IFT172: variants seen among roughly 807,000 people sequenced by gnomAD.
The protein encoded by IFT172 is intraflagellar transport protein 172 homolog.
In IFT172, 164 loss-of-function variants were observed where a neutral mutation model predicts 248.9. That is an observed-to-expected ratio of 0.66 (90% CI 0.58 to 0.75). The LOEUF (loss-of-function observed/expected upper bound fraction) is 0.75. Ranked by LOEUF, IFT172 falls within the 30% of genes least tolerant of loss-of-function variation. IFT172 has a pLI of 0.00. For missense variants in IFT172, 1,950 were observed against 2,192.4 expected (o/e 0.89, Z 2.21); for synonymous variants, 729 against 791.6 (o/e 0.92, Z 1.33).
In IFT172 at chr2:27,444,453, G is replaced by T. The variant is rs375519807; in HGVS notation, c.5229C>A (p.Ser1743Arg). 2.6e-5 allele frequency: 42 copies of T among 1,613,056 alleles called. No individual in the cohort carries two copies. Among genetic ancestry groups the T allele is most frequent in the Non-Finnish European group, 3.4e-5 (40 of 1,179,496 alleles). Residue 1743 changes from serine (S) to arginine (R), a missense_variant, in exon 48 of 48, where the codon AGC becomes AGA. By Grantham distance (110) the Ser-to-Arg change is moderately radical. Transcript: ENST00000260570. The part of the protein sequence containing the change: ...FISQWCGGLP[S>R]TSFSFQ Reference sequence around the variant, plus strand: ...CCAACTACTGAAAGGAAAAGCTGGTGCTGGGGAGCCCTCCACACCACTGAC... The same window carrying T: ...CCAACTACTGAAAGGAAAAGCTGGTTCTGGGGAGCCCTCCACACCACTGAC...
At position 27,445,383 on chromosome 2, in the gene IFT172, C is replaced by G; in HGVS notation, c.4981G>C (p.Val1661Leu). 1 of 1,612,736 alleles carries G rather than the reference C, an allele frequency of 6.2e-7. No individual in the cohort carries two copies. Among genetic ancestry groups the G allele is most frequent in the Admixed American group, 1.7e-5 (1 of 59,792 alleles). Residue 1661 changes from valine (V) to leucine (L), a missense_variant, in exon 46 of 48, where the codon GTT (valine) becomes CTT (leucine). Val to Leu is a conservative substitution (Grantham distance 32, BLOSUM62 1). This residue lies in a region of IFT172 where 620 missense variants were observed against 699.0 expected (regional missense o/e 0.89). Coordinates refer to ENST00000260570, the MANE Select transcript of IFT172 (RefSeq NM_015662.3). The surrounding 1 kb of genome is among the most constrained non-coding windows in gnomAD (Gnocchi z 4.4). ...TVSMDQRLEQVLPRDERGAYE... is the reference protein window; with the variant it reads ...TVSMDQRLEQLLPRDERGAYE... ...GCGCCACGCTCATCCCGAGGCAGAA[C>G]CTGCTCCAGCCGCTGGTCCATGGAG...
intron 40 of IFT172, 129 bp from the exon 41 acceptor site, chr2:27,448,051 TG>T: frequency 2.2e-6 from 1 of 452,256 alleles, no homozygotes; most frequent in Non-Finnish European, 4.0e-6. Context: ...GTGCAAGGGC[TG>T]GGGGACAGTG....
rs377211687 is a variant in IFT172, at chr2:27,453,414, G to C, written c.3921C>G (p.Asn1307Lys). ...DCYLKVRDSG[N>K]SGLAEKCWMK... Reference sequence around the variant, plus strand: ...TCCAGCACTTCTCCGCCAGGCCGCTGTTTCCAGAGTCTCGCACTTTGAGGT... The same window carrying C: ...TCCAGCACTTCTCCGCCAGGCCGCTCTTTCCAGAGTCTCGCACTTTGAGGT... The change falls in exon 35 of 48, where the codon AAC becomes AAG. Residue 1307 changes from asparagine to lysine, a missense_variant. Physicochemically the swap from Asn to Lys is moderately conservative, Grantham distance 94. This residue lies in a region of IFT172 where 620 missense variants were observed against 699.0 expected (regional missense o/e 0.89). Coordinates refer to ENST00000260570, the MANE Select transcript of IFT172 (RefSeq NM_015662.3). The C allele has an allele frequency of 6.2e-7, 1 of 1,614,108 alleles. No homozygotes were observed. The highest frequency in any genetic ancestry group is 1.7e-5 in the Admixed American group (1 of 60,010).
intron 7 of IFT172, among the ~76,000 whole-genome samples, chr2:27,482,371 C>A (rs1484302146): frequency 6.6e-6 from 1 of 151,928 alleles, no homozygotes; most frequent in African/African-American, 2.4e-5. Context: ...TGGCTCACTG[C>A]AACCTCTGCC....
chr2:27,461,468 A>G lies in IFT172; in HGVS notation c.2243T>C (p.Met748Thr). 6.2e-7 allele frequency: 1 copy of G among 1,614,050 alleles called. No homozygotes were observed. Among genetic ancestry groups the G allele is most frequent in the South Asian group, 1.1e-5 (1 of 91,084 alleles). Residue 748 changes from methionine to threonine, a missense_variant, in exon 22 of 48, where the codon ATG (methionine) becomes ACG (threonine). Transcript: ENST00000260570. ...KLRRSYYQWLMDTQQEERAGE... is the reference protein window; with the variant it reads ...KLRRSYYQWLTDTQQEERAGE... The stretch of plus-strand genomic sequence containing the variant: ...TGCTCGCTCCTCTTGCTGTGTGTCC[A>G]TCAGCCACTGGTAGTAACTACGACG...
rs1178759857 is a variant in IFT172 at position 27,445,355 on chromosome 2, T to C, written c.5009A>G (p.Tyr1670Cys). ...QVLPRDERGA[Y>C]EASLVAASTG... ...GCTCGCTGCCACTAGGGAGGCCTCG[T>C]AGGCGCCACGCTCATCCCGAGGCAG... Residue 1670 changes from tyrosine to cysteine, a missense_variant, in exon 46 of 48, where the codon TAC (tyrosine) becomes TGC (cysteine). Physicochemically the swap from Tyr to Cys is radical, Grantham distance 194. Coordinates refer to ENST00000260570, the MANE Select transcript of IFT172 (RefSeq NM_015662.3). The surrounding 1 kb of genome is among the most constrained non-coding windows in gnomAD (Gnocchi z 4.4). The C allele has an allele frequency of 2.5e-6, 4 of 1,613,320 alleles. No individual in the cohort carries two copies. The highest frequency in any genetic ancestry group is 2.2e-5 in the East Asian group (1 of 44,862).
At chr2:27,474,682 GC>G (rs1428933813) in intron 14 of IFT172, among the ~76,000 whole-genome samples, 5 of 152,098 alleles carry the variant, frequency 3.3e-5, no homozygotes, top group African/African-American at 9.7e-5. Context: ...CTCCCGAGTA[GC>G]TGGGATTACA....
At position 27,481,139 on chromosome 2, in the gene IFT172, G is replaced by C. The variant is rs1335464745; in HGVS notation, c.692C>G (p.Thr231Ser). 6 of 1,613,908 alleles carry C rather than the reference G, an allele frequency of 3.7e-6. No individual in the cohort carries two copies. Among genetic ancestry groups the C allele is most frequent in the East Asian group, 4.5e-5 (2 of 44,884 alleles). Residue 231 changes from threonine to serine, a missense_variant, in exon 8 of 48, where the codon ACT becomes AGT. By Grantham distance (58) the Thr-to-Ser change is moderately conservative. Around this residue, in one of 3 missense-constraint regions of IFT172, gnomAD observed 1,166 missense variants for 1,254.1 expected, o/e 0.93. Transcript: ENST00000260570. ...CTGAGGGTCACGGCTATAATCAAAA[G>C]TTTGTAGCATGTGACCTTCTTTTCC... ...AYGKEGHMLQ[T>S]FDYSRDPQER...
chr2:27,481,075 G>A lies in IFT172; in HGVS notation c.756C>T (p.Gly252=), dbSNP rs1274853696. ...EFTTAVSSPG[G]QSVVLGSYDR... is the part of the protein sequence containing the mutation. The stretch of plus-strand genomic sequence containing the variant: ...CATAACTTCCTAGCACAACAGACTG[G>A]CCCCCAGGACTTGATACAGCTGTGG... The change falls in exon 8 of 48, where the codon GGC becomes GGT. Residue 252 remains glycine, a synonymous_variant. Coordinates refer to ENST00000260570, the MANE Select transcript of IFT172 (RefSeq NM_015662.3). The A allele has an allele frequency of 1.2e-6, 2 of 1,613,918 alleles. No individual in the cohort carries two copies. Among genetic ancestry groups the A allele is most frequent in the East Asian group, 2.2e-5 (1 of 44,892 alleles).
intron 30 of IFT172, 86 bp downstream of exon 30, chr2:27,456,421 ATCTT>A (rs1666166592): frequency 1.3e-6 from 2 of 1,490,780 alleles, no homozygotes; most frequent in East Asian, 2.3e-5. Flanking sequence ...CCTTCCAAGG[ATCTT>A]TCTTTCAGTT....
intron 14 of IFT172, among the ~76,000 whole-genome samples, chr2:27,473,612 T>C (rs1272507587): frequency 6.6e-6 from 1 of 151,504 alleles, no homozygotes; most frequent in African/African-American, 2.4e-5. Flanking sequence ...GCCTGGCCGA[T>C]AAAGCCATAT....
chr2:27,466,030 G>A, intron 16 of IFT172, 148 bp from the exon 17 acceptor site: 1 of 893,400 alleles, frequency 1.1e-6, no homozygotes, highest in Non-Finnish European at 1.7e-6. Context: ...TTTCTCTCAA[G>A]CATAAAAAAA....
In IFT172 at chr2:27,454,210, C is replaced by A. The variant is rs761986497; in HGVS notation, c.3531-48G>T. ...GAGAGACTGAGTATAGGACTGAGGC[C>A]CCAATAGTGGGAGACAAACAGCCAT... On this transcript the variant is annotated intron_variant, in intron 32 of 47. Transcript: ENST00000260570. This position sits in a 1 kb window ranked among gnomAD's most constrained non-coding sequence, Gnocchi z 4.2. 8 of 1,602,010 alleles carry A rather than the reference C, an allele frequency of 5.0e-6. No homozygotes were observed. Among genetic ancestry groups the A allele is most frequent in the Non-Finnish European group, 6.0e-6 (7 of 1,171,456 alleles).
chr2:27,455,912 C>G, intron 30 of IFT172: 1 of 314,056 alleles, frequency 3.2e-6, no homozygotes, highest in South Asian at 2.8e-5. Flanking sequence ...TCTGGTGCTT[C>G]CAAAAAAAAA....
intron 1 of IFT172, chr2:27,486,151 T>A (rs530968499): frequency 6.0e-6 from 1 of 167,318 alleles, no homozygotes; most frequent in African/African-American, 2.4e-5. Context: ...TATTTGAAAC[T>A]ATTATACCTT....
intron 1 of IFT172, among the ~76,000 whole-genome samples, chr2:27,488,037 C>T (rs1668888293): frequency 6.6e-6 from 1 of 152,170 alleles, no homozygotes; most frequent in African/African-American, 2.4e-5. Context: ...GGCTGGAGTG[C>T]AGTGGTGTGA....
intron 19 of IFT172, 59 bp from the exon 20 acceptor site, chr2:27,462,852 G>A (rs1666789739): frequency 2.0e-6 from 3 of 1,517,730 alleles, no homozygotes; most frequent in Non-Finnish European, 2.7e-6. Flanking sequence ...TGTCTGTGAG[G>A]GCTGAAATTG....
At chr2:27,484,369 AT>A (rs1668596650) in intron 3 of IFT172, 103 bp from the exon 4 acceptor site, 1 of 1,175,020 alleles carries the variant, frequency 8.5e-7, no homozygotes, top group South Asian at 1.2e-5. Context: ...AGGCGGGAGG[AT>A]CATGAGGTCA....
intron 43 of IFT172, 109 bp downstream of exon 43, chr2:27,446,151 G>A: frequency 1.1e-5 from 15 of 1,319,974 alleles, no homozygotes; most frequent in Non-Finnish European, 1.6e-5. Flanking sequence ...TACATCCTCC[G>A]TAACATCAGC....
Sources: gnomAD v4.1 joint callset for allele counts (sites outside exome capture counted in the v4.1 genomes callset) on GRCh38, gnomAD v4.1.1 for gene constraint, gnomAD v4.1.1 regional missense constraint, Gnocchi (gnomAD v3.1) non-coding constraint, MANE v1.5 for transcripts, NCBI Gene and HGNC (gene_info 2026-07-23, HGNC 2026-07-21) for gene names.